ANO3: variants seen among roughly 807,000 people sequenced by gnomAD.
The protein encoded by ANO3 is anoctamin 3, also known as anoctamin-3.
A neutral mutation model predicts 144.8 loss-of-function variants in ANO3; 99 were observed. That is an observed-to-expected ratio of 0.68 (90% CI 0.58 to 0.81). ANO3 has a LOEUF of 0.81. Ranked by LOEUF, ANO3 falls within the 30% of genes least tolerant of loss-of-function variation. The pLI, the probability that ANO3 is intolerant of heterozygous loss-of-function variation, is 0.00. For synonymous variants in ANO3, 414 were observed against 392.6 expected (o/e 1.05, Z -0.64); for missense variants, 905 against 1,202.2 (o/e 0.75, Z 3.66).
At position 26,661,032 on chromosome 11, in the gene ANO3, C is replaced by T. The variant is rs1853862701; in HGVS notation, c.*588C>T. The T allele has an allele frequency of 6.6e-6, 1 of 152,556 alleles. No homozygotes were observed. Among genetic ancestry groups the T allele is most frequent in the African/African-American group, 2.4e-5 (1 of 41,422 alleles). The allele number at this position is 152,556 out of a possible 1,614,324, so 9.5% of individuals were successfully genotyped here. ...TTTATGCTGCTTTACATTGACTATG[C>T]AGTTGAAGAGTTGCACATCACCTTT... is the stretch of plus-strand genomic sequence containing the variant. On this transcript the variant is annotated 3_prime_UTR_variant, in exon 27 of 27. Transcript: ENST00000256737.
chr11:26,274,946 TAAAC>T (rs1017237056), intron 1 of ANO3, among the ~76,000 whole-genome samples: 5 of 151,890 alleles, frequency 3.3e-5, no homozygotes, highest in African/African-American at 7.2e-5. Context: ...ATTTTTATCT[TAAAC>T]AAATATATAT....
intron 12 of ANO3, among the ~76,000 whole-genome samples, chr11:26,552,021 C>A (rs978028647): frequency 6.6e-6 from 1 of 151,964 alleles, no homozygotes; most frequent in South Asian, 2.1e-4. Flanking sequence ...TGATGGAGAA[C>A]TGGATCTACA....
intron 1 of ANO3, among the ~76,000 whole-genome samples, chr11:26,313,084 T>A (rs1854537779): frequency 6.6e-6 from 1 of 152,216 alleles, no homozygotes; most frequent in South Asian, 2.1e-4. Flanking sequence ...ATCCAATCTT[T>A]GCACAAGTCA....
chr11:26,330,193 G>T (rs1044910999), upstream of ANO3, among the ~76,000 whole-genome samples: 3 of 152,064 alleles, frequency 2.0e-5, no homozygotes, highest in African/African-American at 7.2e-5. Flanking sequence ...GAATTGGGTT[G>T]CATTAGAATC....
intron 1 of ANO3, among the ~76,000 whole-genome samples, chr11:26,404,931 ATATGTG>A (rs1160741339): frequency 2.5e-4 from 10 of 39,278 alleles, no homozygotes; most frequent in South Asian, 8.4e-4. Flanking sequence ...GAATTTATAT[ATATGTG>A]TGTGTGTGTG....
intron 1 of ANO3, among the ~76,000 whole-genome samples, chr11:26,380,883 G>A (rs1338158886): frequency 2.0e-5 from 3 of 152,134 alleles, no homozygotes; most frequent in Admixed American, 2.0e-4. Context: ...TCGGGAGGCT[G>A]AGACAGGAGA....
chr11:26,513,638 T>C (rs2134147320), intron 5 of ANO3, among the ~76,000 whole-genome samples: 1 of 152,222 alleles, frequency 6.6e-6, no homozygotes, highest in African/African-American at 2.4e-5. Flanking sequence ...GAATGAGACC[T>C]CCATTCACAC....
intron 1 of ANO3, among the ~76,000 whole-genome samples, chr11:26,228,776 A>G (rs1852315384): frequency 6.6e-6 from 1 of 152,202 alleles, no homozygotes; most frequent in Non-Finnish European, 1.5e-5. Context: ...TGGATGAAGT[A>G]CTGGCTCTCT....
At chr11:26,227,225 G>T (rs1852274891) in intron 1 of ANO3, among the ~76,000 whole-genome samples, 1 of 151,956 alleles carries the variant, frequency 6.6e-6, no homozygotes. Flanking sequence ...CTTCTACTTT[G>T]GGCTATTGTG....
At chr11:26,386,891 T>A (rs1418498432) in intron 1 of ANO3, among the ~76,000 whole-genome samples, 2 of 152,122 alleles carry the variant, frequency 1.3e-5, no homozygotes, top group Non-Finnish European at 2.9e-5. Context: ...ACGTGTTGAT[T>A]TTTTGACCTG....
chr11:26,540,125 C>A (rs78872243), intron 10 of ANO3, among the ~76,000 whole-genome samples: 1,858 of 151,970 alleles, frequency 0.012, 38 homozygotes, highest in African/African-American at 0.038. Flanking sequence ...AAAATGGCAA[C>A]CCATATGACA....
chr11:26,307,137 C>T (rs1396321411), upstream of ANO3, among the ~76,000 whole-genome samples: 2 of 150,350 alleles, frequency 1.3e-5, no homozygotes, highest in Admixed American at 1.3e-4. Context: ...AGGCGGATCA[C>T]GAGGTCAGGA....
At chr11:26,195,534 G>T (rs1300660302) in intron 1 of ANO3, among the ~76,000 whole-genome samples, 2 of 152,160 alleles carry the variant, frequency 1.3e-5, no homozygotes, top group Admixed American at 1.3e-4. Context: ...AACGGAGAGA[G>T]TAACAATAAC....
Position 26,624,456 on chromosome 11 carries a change from T to C in ANO3, c.1837-6T>C. On this transcript the variant is annotated splice_polypyrimidine_tract_variant and splice_region_variant and intron_variant, in intron 17 of 26. Coordinates refer to ENST00000256737, the MANE Select transcript of ANO3 (RefSeq NM_031418.4). Reference sequence around the variant, plus strand: ...AATGTTCACTATGTATTCTCTTTTATTACAGGCTTATGAAAAAATTGCTTA... The same window carrying C: ...AATGTTCACTATGTATTCTCTTTTACTACAGGCTTATGAAAAAATTGCTTA... 1 of 1,600,190 alleles carries C rather than the reference T, an allele frequency of 6.2e-7. No homozygotes were observed. The highest frequency in any genetic ancestry group is 1.1e-5 in the South Asian group (1 of 90,558).
rs549026433 is a variant in ANO3, at chr11:26,291,832, G to A, written c.155-17813G>A. On this transcript the variant is annotated intron_variant, in intron 1 of 27. Transcript: ENST00000672621. ...GGTAACTCGACCTTTCTCTCTGGCT[G>A]CCTTTAACATTTTTTCCTTCATTTC... Among the ~76,000 whole-genome samples, 217 of 152,260 alleles carry A rather than the reference G, an allele frequency of 1.4e-3. 1 individual carries two copies. Among genetic ancestry groups the A allele is most frequent in the African/African-American group, 5.0e-3 (207 of 41,540 alleles).
chr11:26,623,127 C>G (rs983817816), intron 17 of ANO3, among the ~76,000 whole-genome samples: 5 of 152,078 alleles, frequency 3.3e-5, no homozygotes. Context: ...GACCAAAAAC[C>G]TGCACTAGGA....
intron 14 of ANO3, among the ~76,000 whole-genome samples, chr11:26,567,703 A>G (rs1483121833): frequency 6.6e-6 from 1 of 151,992 alleles, no homozygotes; most frequent in Non-Finnish European, 1.5e-5. Context: ...AAATCTACTT[A>G]AAAATAAAAG....
intron 8 of ANO3, among the ~76,000 whole-genome samples, chr11:26,533,096 A>C (rs1849414568): frequency 6.6e-6 from 1 of 152,218 alleles, no homozygotes; most frequent in African/African-American, 2.4e-5. Context: ...GGAGGAATTC[A>C]GAGTCTAACA....
chr11:26,277,746 G>A (rs1261384493), intron 1 of ANO3, among the ~76,000 whole-genome samples: 1 of 151,288 alleles, frequency 6.6e-6, no homozygotes, highest in African/African-American at 2.4e-5. Context: ...TCATCTTTCT[G>A]TAAAACTTTC....
Sources: gnomAD v4.1 joint callset for allele counts (sites outside exome capture counted in the v4.1 genomes callset) on GRCh38, gnomAD v4.1.1 for gene constraint, MANE v1.5 for transcripts, NCBI Gene and HGNC (gene_info 2026-07-23, HGNC 2026-07-21) for gene names.